The following BABAM2 variants were observed in gnomAD, a reference collection of about 807,000 sequenced individuals.
The protein encoded by BABAM2 is BRISC and BRCA1-A complex member 2.
BABAM2 carries 31 observed loss-of-function variants against 54.7 expected under a neutral mutation model. That is an observed-to-expected ratio of 0.57 (90% confidence interval 0.43 to 0.77). The LOEUF (loss-of-function observed/expected upper bound fraction) is 0.77. Among genes scored for constraint, BABAM2 ranks in the 30% least tolerant of loss-of-function variants. The pLI is 0.00. For missense variants in BABAM2, 364 were observed against 455.8 expected (o/e 0.80, Z 1.83); for synonymous variants, 167 against 162.9 (o/e 1.03, Z -0.19).
At chr2:28,250,288 CAGTG>C (rs1683322538) in intron 10 of BABAM2, among the ~76,000 whole-genome samples, 1 of 144,728 alleles carries the variant, frequency 6.9e-6, no homozygotes, top group Non-Finnish European at 1.5e-5. Context: ...GGCTGGAGCA[CAGTG>C]AGTAAGGGGA....
intron 3 of BABAM2, among the ~76,000 whole-genome samples, chr2:27,946,387 G>T (rs1669299674): frequency 6.6e-6 from 1 of 152,174 alleles, no homozygotes; most frequent in South Asian, 2.1e-4. Context: ...ATGTATTACT[G>T]GAGTTGATTC....
chr2:27,997,221 G>A (rs1573356998), intron 4 of BABAM2, among the ~76,000 whole-genome samples: 1 of 151,930 alleles, frequency 6.6e-6, no homozygotes, highest in South Asian at 2.1e-4. Flanking sequence ...TATTCCTAAG[G>A]TAGAAATAAA....
chr2:28,263,425 C>T (rs1558483413), intron 10 of BABAM2, among the ~76,000 whole-genome samples: 1 of 152,204 alleles, frequency 6.6e-6, no homozygotes. Context: ...CCAAGACCAT[C>T]TGATTCCAGA....
chr2:27,946,676 GAGAGA>G (rs1377592041), intron 3 of BABAM2, among the ~76,000 whole-genome samples: 3 of 151,894 alleles, frequency 2.0e-5, no homozygotes, highest in Non-Finnish European at 2.9e-5. Flanking sequence ...GAGGAGAGAA[GAGAGA>G]GGAGAGGAGA....
intron 6 of BABAM2, among the ~76,000 whole-genome samples, chr2:28,113,168 T>C (rs1668290254): frequency 6.6e-6 from 1 of 152,232 alleles, no homozygotes; most frequent in Non-Finnish European, 1.5e-5. Context: ...TTCACTCTGA[T>C]GATAGTTTCT....
At chr2:28,299,755 G>A (rs992500674) in intron 11 of BABAM2, among the ~76,000 whole-genome samples, 36 of 151,866 alleles carry the variant, frequency 2.4e-4, no homozygotes, top group African/African-American at 8.5e-4. Context: ...ACAAAACCTG[G>A]ACCTCCAGAT....
chr2:27,961,087 T>C (rs1297056394), intron 3 of BABAM2, among the ~76,000 whole-genome samples: 1 of 152,034 alleles, frequency 6.6e-6, no homozygotes, highest in East Asian at 1.9e-4. Flanking sequence ...CAACTTGTGG[T>C]TGGTTATTTT....
At position 27,988,077 on chromosome 2, in the gene BABAM2, C is replaced by T. The variant is rs754373625; in HGVS notation, c.290C>T (p.Ser97Leu). 6.2e-7 allele frequency: 1 copy of T among 1,613,100 alleles called. No homozygotes were observed. The highest frequency in any genetic ancestry group is 8.5e-7 in the Non-Finnish European group (1 of 1,179,144). ...GATGCTGAATTCCTGCCAGACCCCT[C>T]AGCTTTGCAGGTGAGTACTGCAGAC... is the stretch of plus-strand genomic sequence containing the variant. ...GEDAEFLPDPSALQNLASWNP... is the reference protein window; with the variant it reads ...GEDAEFLPDPLALQNLASWNP... The change falls in exon 4 of 12, where the codon TCA becomes TTA. Residue 97 changes from serine (S) to leucine (L), a missense_variant. By Grantham distance (145) the Ser-to-Leu change is moderately radical (BLOSUM62 -2). Coordinates refer to ENST00000379624, the MANE Select transcript of BABAM2 (RefSeq NM_199191.3).
At chr2:27,999,737 C>A (rs532792571) in intron 4 of BABAM2, among the ~76,000 whole-genome samples, 1 of 152,174 alleles carries the variant, frequency 6.6e-6, no homozygotes. Flanking sequence ...CTGTTAAGCA[C>A]GCTTCCTGAA....
intron 6 of BABAM2, among the ~76,000 whole-genome samples, chr2:28,126,264 C>G (rs1373888824): frequency 6.7e-6 from 1 of 148,290 alleles, no homozygotes; most frequent in Non-Finnish European, 1.5e-5. Context: ...TTTAGCATTA[C>G]GTATATCTCC....
chr2:28,181,155 G>A (rs1333389947), intron 7 of BABAM2, among the ~76,000 whole-genome samples: 1 of 152,128 alleles, frequency 6.6e-6, no homozygotes, highest in Non-Finnish European at 1.5e-5. Context: ...GGAGATACCT[G>A]TACCCCCATA....
intron 6 of BABAM2, among the ~76,000 whole-genome samples, chr2:28,075,153 G>A (rs938951514): frequency 5.9e-5 from 9 of 152,018 alleles, no homozygotes; most frequent in Non-Finnish European, 1.0e-4. Context: ...TTTTAATACC[G>A]AGTGCACCCA....
At position 28,329,854 on chromosome 2, in the gene BABAM2, C is replaced by G. The variant is rs974165159; in HGVS notation, c.1089-8596C>G. Among the ~76,000 whole-genome samples, 10 of 152,138 alleles carry G rather than the reference C, an allele frequency of 6.6e-5. No individual in the cohort carries two copies. Among genetic ancestry groups the G allele is most frequent in the African/African-American group, 2.4e-4 (10 of 41,412 alleles). ...TTATGAGACCAGCATTATCCTGATA[C>G]CAAAACCTGGCAGAGATACAACAAA... is the stretch of plus-strand genomic sequence containing the variant. On this transcript the variant is annotated intron_variant, in intron 11 of 11. Transcript: ENST00000379624. This position sits in a 1 kb window ranked among gnomAD's most constrained non-coding sequence, Gnocchi z 4.2.
chr2:27,931,914 A>G (rs1412893740), intron 3 of BABAM2, among the ~76,000 whole-genome samples: 3 of 151,928 alleles, frequency 2.0e-5, no homozygotes, highest in Non-Finnish European at 4.4e-5. Flanking sequence ...TTGCATTTTC[A>G]AGATTGTTAA....
At chr2:28,230,969 G>C (rs941786490) in intron 7 of BABAM2, among the ~76,000 whole-genome samples, 4 of 152,160 alleles carry the variant, frequency 2.6e-5, no homozygotes, top group Admixed American at 6.5e-5. Flanking sequence ...GTAGGGATTA[G>C]ACTTTTAAAA....
At chr2:27,983,867 T>G (rs552535643) in intron 3 of BABAM2, among the ~76,000 whole-genome samples, 2 of 151,402 alleles carry the variant, frequency 1.3e-5, no homozygotes, top group East Asian at 1.9e-4. Flanking sequence ...TCATTGGGAT[T>G]TTTTACATGC....
At chr2:28,033,538 T>G (rs1676448695) in intron 5 of BABAM2, among the ~76,000 whole-genome samples, 1 of 152,162 alleles carries the variant, frequency 6.6e-6, no homozygotes, top group Non-Finnish European at 1.5e-5. Flanking sequence ...GGTCAATCTC[T>G]CTCTTCTTGT....
intron 3 of BABAM2, among the ~76,000 whole-genome samples, chr2:27,962,804 G>T: frequency 6.6e-6 from 1 of 152,138 alleles, no homozygotes; most frequent in Non-Finnish European, 1.5e-5. Flanking sequence ...AAGACCATTT[G>T]ATGTCATCTA....
chr2:28,162,141 T>A (rs1673162888), intron 7 of BABAM2, among the ~76,000 whole-genome samples: 1 of 152,174 alleles, frequency 6.6e-6, no homozygotes, highest in Non-Finnish European at 1.5e-5. Context: ...AAATAAAAAT[T>A]ATTTAGAAAC....
Sources: allele counts gnomAD v4.1 joint callset (sites outside exome capture counted in the v4.1 genomes callset), GRCh38; gene constraint gnomAD v4.1.1; non-coding constraint Gnocchi (gnomAD v3.1); transcripts MANE v1.5; gene names NCBI Gene and HGNC (gene_info 2026-07-23, HGNC 2026-07-21).